The following MMP16 variants were observed in gnomAD, a reference collection of about 807,000 sequenced individuals.
The protein encoded by MMP16 is matrix metalloproteinase-16.
Under a neutral mutation model 67.8 loss-of-function variants are expected in MMP16, and 12 were observed. The observed-to-expected ratio is 0.18, with a 90% CI of 0.11 to 0.29. The LOEUF (loss-of-function observed/expected upper bound fraction) is 0.29. Among genes scored for constraint, MMP16 ranks in the 10% least tolerant of loss-of-function variants. The pLI, the probability that MMP16 is intolerant of heterozygous loss-of-function variation, is 1.00. For missense variants in MMP16, 475 were observed against 765.7 expected, an observed-to-expected ratio of 0.62 and a Z score of 4.48; for synonymous variants, 249 against 255.9, an observed-to-expected ratio of 0.97 and a Z score of 0.26.
At chr8:88,074,300 A>G (rs1808608699) in intron 7 of MMP16, among the ~76,000 whole-genome samples, 1 of 152,160 alleles carries the variant, frequency 6.6e-6, no homozygotes, top group Non-Finnish European at 1.5e-5. Context: ...TACTCCAAAC[A>G]AACAAACAAA....
intron 1 of MMP16, among the ~76,000 whole-genome samples, chr8:88,221,710 T>C (rs1393988486): frequency 2.0e-5 from 3 of 151,968 alleles, no homozygotes; most frequent in Admixed American, 6.6e-5. Flanking sequence ...TGAAAATGCA[T>C]GCAAAATAAG....
At chr8:88,288,082 CA>C (rs769147358) in intron 1 of MMP16, among the ~76,000 whole-genome samples, 4 of 152,184 alleles carry the variant, frequency 2.6e-5, no homozygotes, top group Non-Finnish European at 5.9e-5. Flanking sequence ...ACCACTTTGA[CA>C]ATACTAACTC....
intron 7 of MMP16, among the ~76,000 whole-genome samples, chr8:88,064,774 A>T (rs1309097371): frequency 6.6e-6 from 1 of 152,154 alleles, no homozygotes; most frequent in East Asian, 1.9e-4. Flanking sequence ...TAGGTTGCTC[A>T]GGAAACTTGA....
intron 1 of MMP16, among the ~76,000 whole-genome samples, chr8:88,287,040 C>T (rs918221845): frequency 4.6e-5 from 7 of 152,168 alleles, no homozygotes; most frequent in Admixed American, 3.9e-4. Flanking sequence ...CAATTCAATA[C>T]TTTCTCCACA....
At chr8:88,147,158 C>T (rs1305461632) in intron 4 of MMP16, among the ~76,000 whole-genome samples, 3 of 151,894 alleles carry the variant, frequency 2.0e-5, no homozygotes, top group East Asian at 3.9e-4. Context: ...GCTATAATTT[C>T]CATCTTTCTA....
intron 2 of MMP16, among the ~76,000 whole-genome samples, chr8:88,189,441 C>G (rs1025820315): frequency 2.0e-5 from 3 of 152,170 alleles, no homozygotes; most frequent in Admixed American, 6.5e-5. Context: ...TAACCCTCCA[C>G]TACTCTTTCC....
chr8:88,095,354 G>A (rs1809008167), intron 6 of MMP16, among the ~76,000 whole-genome samples: 1 of 151,716 alleles, frequency 6.6e-6, no homozygotes, highest in South Asian at 2.1e-4. Context: ...AAGAGTCCTG[G>A]ATTCTGGTTT....
chr8:88,099,454 T>G (rs1052626332), intron 6 of MMP16, among the ~76,000 whole-genome samples: 2 of 151,860 alleles, frequency 1.3e-5, no homozygotes, highest in Non-Finnish European at 2.9e-5. Context: ...CGTCCTAAAA[T>G]GTATACCAAT....
rs1313612044 is a variant in MMP16 at position 88,059,956 on chromosome 8, C to G, written c.1223-3678G>C. On this transcript the variant is annotated intron_variant, in intron 7 of 9. Coordinates refer to ENST00000286614, the MANE Select transcript of MMP16 (RefSeq NM_005941.5). ...GCAGAAATTGAATAAAAGAGATGGA[C>G]TGAAAGAGAAAAGAGAATGAGAAGA... is the stretch of plus-strand genomic sequence containing the variant. 1.5e-4 allele frequency among the ~76,000 whole-genome samples: 23 copies of G among 148,568 alleles called. 1 individual carries two copies. The Admixed American group carries it at 1.6e-3, about 10-fold the overall frequency.
At chr8:88,215,971 C>G (rs1416445607) in intron 1 of MMP16, among the ~76,000 whole-genome samples, 1 of 152,100 alleles carries the variant, frequency 6.6e-6, no homozygotes, top group Non-Finnish European at 1.5e-5. Flanking sequence ...AATGACCATG[C>G]ATGCTCAAAA....
At chr8:88,071,391 C>T (rs1334422816) in intron 7 of MMP16, among the ~76,000 whole-genome samples, 2 of 151,576 alleles carry the variant, frequency 1.3e-5, no homozygotes, top group African/African-American at 2.4e-5. Context: ...GAGTTAAATA[C>T]ATTTATATCC....
chr8:88,323,254 T>C (rs1432370844), intron 1 of MMP16, among the ~76,000 whole-genome samples: 3 of 152,182 alleles, frequency 2.0e-5, no homozygotes, highest in Non-Finnish European at 4.4e-5. Context: ...AATATAATTT[T>C]TATCTCTGAA....
At chr8:88,226,127 A>G (rs951197546) in intron 1 of MMP16, among the ~76,000 whole-genome samples, 1 of 152,072 alleles carries the variant, frequency 6.6e-6, no homozygotes, top group South Asian at 2.1e-4. Context: ...GCACACACAC[A>G]CAAATATATA....
chr8:88,141,981 C>A, intron 4 of MMP16, among the ~76,000 whole-genome samples: 1 of 151,438 alleles, frequency 6.6e-6, no homozygotes. Context: ...GTGGCACCAT[C>A]TCAGCTCACT....
intron 1 of MMP16, among the ~76,000 whole-genome samples, chr8:88,266,889 A>T (rs749967499): frequency 6.6e-6 from 1 of 152,142 alleles, no homozygotes; most frequent in Non-Finnish European, 1.5e-5. Context: ...ACTCCTGACA[A>T]CCTTTGCTTT....
intron 1 of MMP16, among the ~76,000 whole-genome samples, chr8:88,299,400 T>C (rs898198271): frequency 3.3e-5 from 5 of 152,106 alleles, no homozygotes; most frequent in Admixed American, 3.3e-4. Flanking sequence ...CTGGATCCCA[T>C]CTGGAAGTAG....
At chr8:88,289,113 G>A (rs982818880) in intron 1 of MMP16, among the ~76,000 whole-genome samples, 1 of 151,034 alleles carries the variant, frequency 6.6e-6, no homozygotes, top group African/African-American at 2.4e-5. Flanking sequence ...CCCAGAAAGA[G>A]ACAGAGACAG....
intron 1 of MMP16, among the ~76,000 whole-genome samples, chr8:88,282,087 G>C (rs1301110272): frequency 1.3e-5 from 2 of 148,674 alleles, no homozygotes; most frequent in African/African-American, 5.1e-5. Context: ...TTTTTTGGGG[G>C]GGGGGGGGCG....
chr8:88,201,554 T>C (rs186225782), intron 1 of MMP16, among the ~76,000 whole-genome samples: 4 of 152,264 alleles, frequency 2.6e-5, no homozygotes, highest in Admixed American at 2.0e-4. Flanking sequence ...GGAAACAATT[T>C]TTTTAAATTA....
Sources: allele counts gnomAD v4.1 joint callset (sites outside exome capture counted in the v4.1 genomes callset), GRCh38; gene constraint gnomAD v4.1.1; transcripts MANE v1.5; gene names NCBI Gene and HGNC (gene_info 2026-07-23, HGNC 2026-07-21).